DTD1: variants seen among roughly 807,000 people sequenced by gnomAD.
The protein encoded by DTD1 is D-aminoacyl-tRNA deacylase 1, also known as D-tyrosyl-tRNA deacylase 1 homolog.
In DTD1, 13 loss-of-function variants were observed where a neutral mutation model predicts 25.6. That is an observed-to-expected ratio of 0.51 (90% CI 0.33 to 0.81). DTD1 has a LOEUF of 0.81. Among genes scored for constraint, DTD1 ranks in the 30% least tolerant of loss-of-function variants. DTD1 has a pLI of 0.02. For synonymous variants in DTD1, 110 were observed against 103.6 expected (o/e 1.06, Z -0.37); for missense variants, 193 against 266.4 (o/e 0.72, Z 1.92).
chr20:18,658,310 C>A (rs969022607), intron 4 of DTD1, among the ~76,000 whole-genome samples: 4 of 150,330 alleles, frequency 2.7e-5, no homozygotes, highest in Non-Finnish European at 5.9e-5. Flanking sequence ...GCTAGTGTCT[C>A]TTCTATTTAT....
chr20:18,592,563 G>A (rs2060593740), intron 1 of DTD1: 1 of 151,816 alleles, frequency 6.6e-6, no homozygotes, highest in Non-Finnish European at 1.5e-5. Context: ...TAGTGGAATT[G>A]CACCTGTGAA....
intron 3 of DTD1, among the ~76,000 whole-genome samples, chr20:18,621,001 T>C (rs1490653241): frequency 1.3e-5 from 2 of 152,238 alleles, no homozygotes; most frequent in Non-Finnish European, 2.9e-5. Context: ...GTTATCAAAA[T>C]GAGGAAATTA....
intron 3 of DTD1, among the ~76,000 whole-genome samples, chr20:18,616,447 A>G (rs1389286898): frequency 3.3e-5 from 5 of 152,072 alleles, no homozygotes; most frequent in Non-Finnish European, 7.3e-5. Context: ...CAGCAACCTG[A>G]TCTTGCCAGT....
chr20:18,695,518 T>TTCCTTC (rs2061071139), intron 4 of DTD1, among the ~76,000 whole-genome samples: 3 of 7,254 alleles, frequency 4.1e-4, no homozygotes, highest in African/African-American at 1.2e-3. Context: ...TCCCTTCCCT[T>TTCCTTC]CCTTTCCCTT....
intron 2 of DTD1, among the ~76,000 whole-genome samples, chr20:18,594,755 T>C (rs6045490): frequency 0.51 from 77,365 of 152,010 alleles, 20,048 homozygotes; most frequent in Middle Eastern, 0.57. Flanking sequence ...GTAGCTGTCC[T>C]CTGGATACTC....
At chr20:18,725,756 A>G (rs965135456) in intron 4 of DTD1, among the ~76,000 whole-genome samples, 28 of 152,220 alleles carry the variant, frequency 1.8e-4, no homozygotes, top group Non-Finnish European at 4.0e-4. Context: ...GATGATGGTC[A>G]GTATCACCAT....
At chr20:18,712,130 A>G (rs2061161648) in intron 4 of DTD1, among the ~76,000 whole-genome samples, 1 of 151,838 alleles carries the variant, frequency 6.6e-6, no homozygotes, top group Non-Finnish European at 1.5e-5. Context: ...TCCATTCTGC[A>G]TGGGTTTTTC....
At chr20:18,627,712 A>T (rs150416282) in intron 3 of DTD1, among the ~76,000 whole-genome samples, 21 of 152,134 alleles carry the variant, frequency 1.4e-4, no homozygotes, top group African/African-American at 5.1e-4. Flanking sequence ...GCTGTGCCCC[A>T]CCCAAATCTC....
intron 4 of DTD1, among the ~76,000 whole-genome samples, chr20:18,718,271 T>C (rs536954926): frequency 6.6e-6 from 1 of 152,346 alleles, no homozygotes; most frequent in East Asian, 1.9e-4. Context: ...GAGGATTCTT[T>C]CATATTTCTG....
chr20:18,759,279 A>G (rs1181321827), intron 5 of DTD1, among the ~76,000 whole-genome samples: 2 of 152,120 alleles, frequency 1.3e-5, no homozygotes, highest in African/African-American at 4.8e-5. Context: ...TCCTGTCATT[A>G]TGATGTTAGC....
intron 4 of DTD1, among the ~76,000 whole-genome samples, chr20:18,719,472 G>T (rs571468017): frequency 9.2e-5 from 14 of 152,340 alleles, no homozygotes; most frequent in African/African-American, 3.4e-4. Context: ...GGCTGGAATG[G>T]CTGGAGCCTT....
chr20:18,653,349 G>A (rs1043314047), intron 4 of DTD1, among the ~76,000 whole-genome samples: 4 of 152,252 alleles, frequency 2.6e-5, no homozygotes, highest in Admixed American at 1.3e-4. Context: ...AGCCAAGATC[G>A]TACCACCAAA....
chr20:18,619,875 C>T (rs1292938586), intron 3 of DTD1, among the ~76,000 whole-genome samples: 1 of 152,180 alleles, frequency 6.6e-6, no homozygotes, highest in Non-Finnish European at 1.5e-5. Context: ...ATTTAAAAAG[C>T]AACCTTTAGC....
intron 4 of DTD1, among the ~76,000 whole-genome samples, chr20:18,722,175 C>T (rs2061206456): frequency 6.6e-6 from 1 of 152,234 alleles, no homozygotes; most frequent in Non-Finnish European, 1.5e-5. Flanking sequence ...TAGCTATGCC[C>T]TTTCCTTTGG....
At chr20:18,647,639 G>A (rs1256613130) in intron 4 of DTD1, among the ~76,000 whole-genome samples, 1 of 152,128 alleles carries the variant, frequency 6.6e-6, no homozygotes. Context: ...AAGAAGGCAG[G>A]GGGTGGGGAG....
In DTD1 at chr20:18,619,686, A is replaced by G. The variant is rs1236753631; in HGVS notation, c.371-8441A>G. Among the ~76,000 whole-genome samples, 3 of 152,086 alleles carry G rather than the reference A, an allele frequency of 2.0e-5. No individual in the cohort carries two copies. The East Asian group carries it at 5.8e-4, about 29-fold the overall frequency. ...GCTATCTGCCCGCCTCGGCCTCCCA[A>G]AGTGCTGGGATTACAGGGGTGAGCC... On this transcript the variant is annotated intron_variant, in intron 3 of 5. Coordinates refer to ENST00000377452, the MANE Select transcript of DTD1 (RefSeq NM_080820.6).
intron 4 of DTD1, among the ~76,000 whole-genome samples, chr20:18,645,394 G>A (rs574429799): frequency 6.6e-6 from 1 of 152,204 alleles, no homozygotes; most frequent in Non-Finnish European, 1.5e-5. Context: ...AGTGCCCGGA[G>A]CAGAAGCAGA....
chr20:18,694,265 C>T (rs149186420), intron 4 of DTD1, among the ~76,000 whole-genome samples: 31 of 152,224 alleles, frequency 2.0e-4, no homozygotes, highest in Middle Eastern at 6.8e-3. Context: ...CTCACGGCTC[C>T]CTGGGGATAC....
chr20:18,708,266 T>TATATACA (rs1568676865), intron 4 of DTD1, among the ~76,000 whole-genome samples: 52 of 20,672 alleles, frequency 2.5e-3, no homozygotes, highest in Non-Finnish European at 4.8e-3. Flanking sequence ...ATATATATTT[T>TATATACA]ATATATATAT....
Sources: gnomAD v4.1 joint callset for allele counts (sites outside exome capture counted in the v4.1 genomes callset) on GRCh38, gnomAD v4.1.1 for gene constraint, MANE v1.5 for transcripts, NCBI Gene and HGNC (gene_info 2026-07-23, HGNC 2026-07-21) for gene names.